The following PLXNA1 variants were observed in gnomAD, a reference collection of about 807,000 sequenced individuals.
The protein encoded by PLXNA1 is plexin-A1.
Under a neutral mutation model 191.7 loss-of-function variants are expected in PLXNA1, and 77 were observed. The ratio of observed to expected loss-of-function variants is 0.40; its 90% CI spans 0.33 to 0.49. The LOEUF (loss-of-function observed/expected upper bound fraction) is 0.49, where lower values mean the gene tolerates loss of function less well. Among genes scored for constraint, PLXNA1 ranks in the 20% least tolerant of loss-of-function variants. The pLI, the probability that PLXNA1 is intolerant of heterozygous loss-of-function variation, is 0.63. For synonymous variants in PLXNA1, 1,137 were observed against 1,156.4 expected, an observed-to-expected ratio of 0.98 and a Z score of 0.34; for missense variants, 2,110 against 2,660.2, an observed-to-expected ratio of 0.79 and a Z score of 4.55.
In PLXNA1 at chr3:127,027,082, G is replaced by C. The variant is rs76148887; in HGVS notation, c.4363-858G>C. 254 of 165,504 alleles carry C rather than the reference G, an allele frequency of 1.5e-3. 1 individual carries two copies. Among genetic ancestry groups the C allele is most frequent in the African/African-American group, 5.8e-3 (243 of 41,684 alleles). The allele number at this position is 165,504 out of a possible 1,614,324, so 10.3% of individuals were successfully genotyped here. ...GAACGACAGATGGCGGGGAGACTCA[G>C]CGAGGCAGTGGTCGGGGGTACGTGT... On this transcript the variant is annotated intron_variant, in intron 23 of 31. Transcript: ENST00000393409.
chr3:127,024,979 C>G (rs1208362086), intron 23 of PLXNA1, among the ~76,000 whole-genome samples: 6 of 152,130 alleles, frequency 3.9e-5, no homozygotes, highest in Non-Finnish European at 7.4e-5. Flanking sequence ...TTCCCATGCG[C>G]CCGCTGCTCC....
Position 126,994,930 on chromosome 3 carries a change from G to A in PLXNA1, c.1377+3364G>A, listed in dbSNP as rs551779285. Among the ~76,000 whole-genome samples the A allele has an allele frequency of 3.9e-5, 6 of 152,182 alleles. No individual in the cohort carries two copies. In the South Asian group the frequency reaches 8.3e-4, roughly 21 times the overall value. ...CTGTGCTCTCAGAGCACAGGGCCCC[G>A]CCTCCTGCCTTCTTCACTTGGTCTC... On this transcript the variant is annotated intron_variant, in intron 3 of 31. Transcript: ENST00000393409.
At chr3:127,000,681 TGGC>T (rs1228134701) in intron 3 of PLXNA1, among the ~76,000 whole-genome samples, 1 of 152,200 alleles carries the variant, frequency 6.6e-6, no homozygotes, top group Non-Finnish European at 1.5e-5. Context: ...AAAGCTGGCT[TGGC>T]TGCACAGGCC....
At chr3:127,006,043 A>G (rs2079067484) in intron 7 of PLXNA1, 36 bp from the exon 8 acceptor site, 1 of 1,548,866 alleles carries the variant, frequency 6.5e-7, no homozygotes, top group Non-Finnish European at 8.9e-7. Context: ...GTCCTGGGCA[A>G]GCAGTCCTGG....
intron 1 of PLXNA1, among the ~76,000 whole-genome samples, chr3:126,987,539 G>A (rs899518891): frequency 2.6e-5 from 4 of 152,182 alleles, no homozygotes; most frequent in South Asian, 2.1e-4. Context: ...GTGAGGGCCC[G>A]ATGTGGAGCA....
intron 1 of PLXNA1, among the ~76,000 whole-genome samples, chr3:126,985,202 G>C (rs769132935): frequency 6.6e-6 from 1 of 152,110 alleles, no homozygotes; most frequent in Non-Finnish European, 1.5e-5. Context: ...CTCAGGCCAG[G>C]AAAGGGAAGG....
rs1047473723 is a variant in PLXNA1 at position 127,015,409 on chromosome 3, G to A, written c.3014+89G>A. The stretch of plus-strand genomic sequence containing the variant: ...CCCCTTCTTGTTGCCTGGGCAACGG[G>A]GCTATGGAGAGCCTGGCTGGGGTGA... On this transcript the variant is annotated intron_variant, in intron 15 of 31. Coordinates refer to ENST00000393409, the MANE Select transcript of PLXNA1 (RefSeq NM_032242.4). The A allele has an allele frequency of 1.5e-5, 23 of 1,492,746 alleles. 1 individual carries two copies. The South Asian group carries it at 2.8e-4, about 18-fold the overall frequency. 92.5% of individuals were successfully genotyped at this position (1,492,746 alleles called of 1,614,324 possible).
At chr3:127,008,539 G>T (rs972865697) in intron 9 of PLXNA1, among the ~76,000 whole-genome samples, 2 of 152,214 alleles carry the variant, frequency 1.3e-5, no homozygotes, top group African/African-American at 4.8e-5. Flanking sequence ...GGGCCCACAG[G>T]TGCTGAGTGG....
intron 8 of PLXNA1, among the ~76,000 whole-genome samples, 155 bp downstream of exon 8, chr3:127,006,333 G>A (rs2079069099): frequency 6.6e-6 from 1 of 152,170 alleles, no homozygotes; most frequent in Admixed American, 6.5e-5. Flanking sequence ...AGGCTGGGCG[G>A]TCAGGGAGGG....
intron 9 of PLXNA1, among the ~76,000 whole-genome samples, chr3:127,011,098 C>G (rs2079093400): frequency 6.6e-6 from 1 of 152,216 alleles, no homozygotes; most frequent in African/African-American, 2.4e-5. Context: ...CAGGGAGGTA[C>G]AGCATAGGTA....
chr3:126,983,855 T>G (rs2078944210), intron 1 of PLXNA1, among the ~76,000 whole-genome samples: 1 of 149,942 alleles, frequency 6.7e-6, no homozygotes, highest in Non-Finnish European at 1.5e-5. Flanking sequence ...CCGGAGGAGG[T>G]CGTGCAGGCT....
intron 5 of PLXNA1, 60 bp downstream of exon 5, chr3:127,004,771 G>A: frequency 1.3e-6 from 2 of 1,590,608 alleles, no homozygotes; most frequent in Non-Finnish European, 1.7e-6. Flanking sequence ...TCACAGTGGG[G>A]GAGGGGGAGC....
chr3:127,029,192 A>C, intron 26 of PLXNA1, 96 bp downstream of exon 26: 1 of 1,018,742 alleles, frequency 9.8e-7, no homozygotes, highest in Non-Finnish European at 1.5e-6. Context: ...GCTGGACAGC[A>C]GCTGGATCTG....
chr3:126,983,901 T>A (rs2078944449), intron 1 of PLXNA1, among the ~76,000 whole-genome samples: 1 of 151,930 alleles, frequency 6.6e-6, no homozygotes, highest in South Asian at 2.1e-4. Flanking sequence ...GGGGTGGAAG[T>A]TGGAGCGGCT....
intron 1 of PLXNA1, among the ~76,000 whole-genome samples, chr3:126,986,639 G>C (rs2078960664): frequency 6.6e-6 from 1 of 152,254 alleles, no homozygotes; most frequent in Non-Finnish European, 1.5e-5. Context: ...CAACCACCCA[G>C]AGCCAGGCCC....
chr3:126,989,742 C>A lies in PLXNA1; in HGVS notation c.1149C>A (p.Leu383=). The A allele has an allele frequency of 6.2e-7, 1 of 1,612,690 alleles. No homozygotes were observed. The highest frequency in any genetic ancestry group is 1.1e-5 in the South Asian group (1 of 91,024). Residue 383 remains leucine (L), a synonymous_variant, in exon 2 of 32, where the codon CTC becomes CTA. Transcript: ENST00000393409. ...IQSCYRGEGK[L]SLPWLLNKEL... ...CCTGCTACCGTGGTGAGGGCAAGCTCTCCCTGCCGTGGCTGCTCAACAAGG... is the reference window on the plus strand; with the variant it reads ...CCTGCTACCGTGGTGAGGGCAAGCTATCCCTGCCGTGGCTGCTCAACAAGG...
chr3:127,033,328 G>A (rs1289463456), intron 31 of PLXNA1, among the ~76,000 whole-genome samples: 1 of 152,226 alleles, frequency 6.6e-6, no homozygotes, highest in Non-Finnish European at 1.5e-5. Flanking sequence ...GGGAGCACGG[G>A]GCCAGAGGGC....
chr3:127,029,753 C>T (rs556148588), intron 27 of PLXNA1, 121 bp from the exon 28 acceptor site: 20 of 1,239,572 alleles, frequency 1.6e-5, no homozygotes, highest in South Asian at 4.5e-5. Flanking sequence ...GTGGTGTCAT[C>T]GGCTGCCCCA....
intron 3 of PLXNA1, 63 bp from the exon 4 acceptor site, chr3:127,003,267 G>T (rs549041114): frequency 6.7e-7 from 1 of 1,493,152 alleles, no homozygotes. Flanking sequence ...ACCTTCTGTG[G>T]GGGGTGGGGC....
Sources: gnomAD v4.1 joint callset for allele counts (sites outside exome capture counted in the v4.1 genomes callset) on GRCh38, gnomAD v4.1.1 for gene constraint, MANE v1.5 for transcripts, NCBI Gene and HGNC (gene_info 2026-07-23, HGNC 2026-07-21) for gene names.